Variants in TECRL observed in about 807,000 individuals in gnomAD.
TECRL encodes the protein trans-2,3-enoyl-CoA reductase like.
In TECRL, 63 loss-of-function variants were observed where a neutral mutation model predicts 52.8. The observed-to-expected ratio is 1.19, with a 90% CI of 0.97 to 1.47. TECRL has a LOEUF of 1.47. Ranked by LOEUF, TECRL falls within the 40% of genes most tolerant of loss-of-function variation. The probability of loss-of-function intolerance (pLI) is 0.00; values close to 1 mark genes in which losing one functional copy is unlikely to be tolerated. For missense variants in TECRL, 482 were observed against 429.6 expected (o/e 1.12, Z -1.08); for synonymous variants, 164 against 141.9 (o/e 1.16, Z -1.10).
chr4:64,360,607 A>G (rs1159129338), intron 2 of TECRL, among the ~76,000 whole-genome samples: 1 of 152,158 alleles, frequency 6.6e-6, no homozygotes, highest in East Asian at 1.9e-4. Context: ...TTAGCACACT[A>G]TAAACAGATC....
chr4:64,405,593 C>G (rs761076206), intron 1 of TECRL, among the ~76,000 whole-genome samples: 2 of 151,844 alleles, frequency 1.3e-5, no homozygotes, highest in South Asian at 4.1e-4. Flanking sequence ...TAGATTAAAT[C>G]GATATATAGA....
intron 1 of TECRL, among the ~76,000 whole-genome samples, chr4:64,386,006 A>G (rs1241216593): frequency 6.6e-6 from 1 of 152,156 alleles, no homozygotes; most frequent in East Asian, 1.9e-4. Context: ...GCCCTATCCA[A>G]CCTGTGATCA....
chr4:64,366,415 G>T (rs147758832), intron 2 of TECRL, among the ~76,000 whole-genome samples: 2,076 of 152,164 alleles, frequency 0.014, 58 homozygotes, highest in African/African-American at 0.047. Flanking sequence ...TAACAAATCT[G>T]ATCTAATTAA....
At chr4:64,313,411 A>G (rs207464781) in intron 5 of TECRL, among the ~76,000 whole-genome samples, 3 of 151,598 alleles carry the variant, frequency 2.0e-5, no homozygotes. Flanking sequence ...CAGAGAGAGA[A>G]AGATTATTTT....
At chr4:64,383,901 G>T (rs1001622642) in intron 1 of TECRL, among the ~76,000 whole-genome samples, 1 of 151,314 alleles carries the variant, frequency 6.6e-6, no homozygotes, top group African/African-American at 2.4e-5. Context: ...ATTTTTTCCT[G>T]TAGATGTCCC....
At chr4:64,363,597 A>G (rs1342180598) in intron 2 of TECRL, among the ~76,000 whole-genome samples, 1 of 152,138 alleles carries the variant, frequency 6.6e-6, no homozygotes, top group African/African-American at 2.4e-5. Context: ...AACTTTTTAA[A>G]AGAGGAGAAC....
At chr4:64,351,125 A>G (rs1165118588) in intron 2 of TECRL, among the ~76,000 whole-genome samples, 1 of 149,520 alleles carries the variant, frequency 6.7e-6, no homozygotes, top group Non-Finnish European at 1.5e-5. Flanking sequence ...GAAAGATACC[A>G]GAGGTTGAGA....
chr4:64,404,541 T>C (rs1724583153), intron 1 of TECRL, among the ~76,000 whole-genome samples: 1 of 152,124 alleles, frequency 6.6e-6, no homozygotes, highest in African/African-American at 2.4e-5. Flanking sequence ...TTATTTTAAA[T>C]CTGCTCTCCA....
intron 2 of TECRL, among the ~76,000 whole-genome samples, chr4:64,348,364 C>G (rs555415583): frequency 2.3e-4 from 35 of 152,218 alleles, no homozygotes; most frequent in Non-Finnish European, 3.7e-4. Context: ...GAAAGCACCC[C>G]CAGGATCCTA....
At chr4:64,302,526 T>C (rs946350089) in intron 7 of TECRL, among the ~76,000 whole-genome samples, 2 of 151,628 alleles carry the variant, frequency 1.3e-5, no homozygotes, top group African/African-American at 2.4e-5. Flanking sequence ...GCATACCTTA[T>C]ATAAAGTGAA....
chr4:64,309,708 G>A (rs1448849922), intron 6 of TECRL, 118 bp downstream of exon 6: 2 of 734,710 alleles, frequency 2.7e-6, no homozygotes, highest in Non-Finnish European at 4.9e-6. Flanking sequence ...GTTTAAGTAT[G>A]CTTATGCAAT....
intron 7 of TECRL, among the ~76,000 whole-genome samples, chr4:64,303,378 A>G (rs548598017): frequency 3.4e-4 from 51 of 151,804 alleles, no homozygotes; most frequent in African/African-American, 1.2e-3. Context: ...TACTACCTGG[A>G]TCAAAACTCA....
At position 64,354,500 on chromosome 4, in the gene TECRL, AATAGGAGAAGTAG is replaced by A. The variant is rs544444695; in HGVS notation, c.286+20659_286+20671del. 7.7e-3 allele frequency among the ~76,000 whole-genome samples: 1,179 copies of A among 152,218 alleles called. 16 individuals carry two copies. The highest frequency in any genetic ancestry group is 0.027 in the African/African-American group (1,105 of 41,534). On this transcript the variant is annotated intron_variant, in intron 2 of 11. Transcript: ENST00000381210. ...AGAAAATTTTTCCAAAATTGCCCAAAATAGGAGAAGTAGATAATCTTAAAGATATTGGTGAAAG... is the reference window on the plus strand; with the variant it reads ...AGAAAATTTTTCCAAAATTGCCCAAAATAATCTTAAAGATATTGGTGAAAG...
intron 2 of TECRL, among the ~76,000 whole-genome samples, chr4:64,356,410 T>G (rs1288643488): frequency 6.6e-6 from 1 of 152,126 alleles, no homozygotes; most frequent in Non-Finnish European, 1.5e-5. Context: ...GTATAAAACC[T>G]GATTGTACAT....
chr4:64,395,446 A>G (rs1407284141), intron 1 of TECRL, among the ~76,000 whole-genome samples: 1 of 152,132 alleles, frequency 6.6e-6, no homozygotes. Context: ...AACAACTAAC[A>G]CGATCACAAT....
At chr4:64,365,221 G>A (rs72614754) in intron 2 of TECRL, among the ~76,000 whole-genome samples, 134,776 of 149,996 alleles carry the variant, frequency 0.9, 61,191 homozygotes, top group East Asian at 1. Flanking sequence ...AAAAAAAAAA[G>A]CTATACATAA....
chr4:64,278,694 C>G lies in TECRL; in HGVS notation c.*1378G>C, dbSNP rs543544186. 1 of 152,184 alleles carries G rather than the reference C, an allele frequency of 6.6e-6. No homozygotes were observed. Among genetic ancestry groups the G allele is most frequent in the Admixed American group, 6.5e-5 (1 of 15,274 alleles). The allele number at this position is 152,184 out of a possible 1,614,324, so 9.4% of individuals were successfully genotyped here. A position where few individuals can be genotyped will look rare whatever the true frequency, so the allele number is the denominator to read the frequency against. ...ATAGTCGTCCTACAGTGGTATAGAA[C>G]ACCAGAAATTATTCCTCCTACCAAG... On this transcript the variant is annotated 3_prime_UTR_variant, in exon 12 of 12. Transcript: ENST00000381210.
intron 2 of TECRL, among the ~76,000 whole-genome samples, chr4:64,367,558 CT>C (rs11287812): frequency 0.9 from 136,656 of 152,046 alleles, 62,065 homozygotes; most frequent in East Asian, 1. Flanking sequence ...ATATGAATAT[CT>C]AATGACATTA....
At chr4:64,308,452 G>C (rs1324965341) in intron 6 of TECRL, among the ~76,000 whole-genome samples, 1 of 152,152 alleles carries the variant, frequency 6.6e-6, no homozygotes, top group Non-Finnish European at 1.5e-5. Context: ...CCAACCGCAG[G>C]CATGTGCCGA....
Sources: gnomAD v4.1 joint callset for allele counts (sites outside exome capture counted in the v4.1 genomes callset) on GRCh38, gnomAD v4.1.1 for gene constraint, MANE v1.5 for transcripts, NCBI Gene and HGNC (gene_info 2026-07-23, HGNC 2026-07-21) for gene names.